The following LOXL2 variants were observed in gnomAD, a reference collection of about 807,000 sequenced individuals.
LOXL2 encodes the protein lysyl oxidase like 2.
LOXL2 carries 70 observed loss-of-function variants against 93.0 expected under a neutral mutation model. That is an observed-to-expected ratio of 0.75 (90% CI 0.62 to 0.92). The LOEUF (loss-of-function observed/expected upper bound fraction) is 0.92. Among genes scored for constraint, LOXL2 ranks in the 40% least tolerant of loss-of-function variants. The pLI, the probability that LOXL2 is intolerant of heterozygous loss-of-function variation, is 0.00. For synonymous variants in LOXL2, 438 were observed against 413.2 expected, an observed-to-expected ratio of 1.06 and a Z score of -0.73; for missense variants, 973 against 1,054.9, an observed-to-expected ratio of 0.92 and a Z score of 1.08.
At chr8:23,384,376 C>G (rs941414266) in intron 1 of LOXL2, among the ~76,000 whole-genome samples, 22 of 152,310 alleles carry the variant, frequency 1.4e-4, no homozygotes, top group African/African-American at 5.3e-4. Flanking sequence ...GAGGGGCTGT[C>G]AAGGCCTGAG....
At chr8:23,375,266 T>A (rs1804569717) in intron 1 of LOXL2, among the ~76,000 whole-genome samples, 1 of 152,148 alleles carries the variant, frequency 6.6e-6, no homozygotes, top group Non-Finnish European at 1.5e-5. Flanking sequence ...AGATGTATGG[T>A]ATTATTTCTG....
Position 23,368,150 on chromosome 8 carries a change from T to G in LOXL2, c.202A>C (p.Ser68Arg), listed in dbSNP as rs760373510. The change falls in exon 2 of 14, where the codon AGC (serine) becomes CGC (arginine). Residue 68 changes from serine (S) to arginine (R), a missense_variant. Coordinates refer to ENST00000389131, the MANE Select transcript of LOXL2 (RefSeq NM_002318.3). ...TAGTACACCTCCACCCGGCCCTCGC[T>G]GTGCTTCCTCTTCTGCCCAGCCAGG... Reference protein sequence around the residue: ...LRLAGQKRKHSEGRVEVYYDG... With the variant: ...LRLAGQKRKHREGRVEVYYDG... The G allele has an allele frequency of 1.9e-6, 3 of 1,614,138 alleles. No homozygotes were observed. The highest frequency in any genetic ancestry group is 1.7e-6 in the Non-Finnish European group (2 of 1,180,022).
Position 23,328,464 on chromosome 8 carries a change from G to C in LOXL2, c.1068C>G (p.Asp356Glu). The change falls in exon 6 of 14, where the codon GAC becomes GAG. Residue 356 changes from aspartate to glutamate, a missense_variant. Asp to Glu is a conservative substitution (Grantham distance 45). Coordinates refer to ENST00000389131, the MANE Select transcript of LOXL2 (RefSeq NM_002318.3). ...EWGTVCDDKW[D>E]LVSASVVCRE... Reference sequence around the variant, plus strand: ...TGCAGACCACACTGGCCGACACCAGGTCCCACTTGTCGTCGCAGACGGTCC... The same window carrying C: ...TGCAGACCACACTGGCCGACACCAGCTCCCACTTGTCGTCGCAGACGGTCC... 1.2e-6 allele frequency: 2 copies of C among 1,614,056 alleles called. No homozygotes were observed. Among genetic ancestry groups the C allele is most frequent in the Non-Finnish European group, 1.7e-6 (2 of 1,180,000 alleles).
At chr8:23,321,713 G>A (rs12386863) in intron 7 of LOXL2, 117,236 of 166,732 alleles carry the variant, frequency 0.7, 41,659 homozygotes, top group Non-Finnish European at 0.76. Context: ...TTTTAAAGAA[G>A]GGAGCGAAGT....
chr8:23,323,461 G>C (rs1244727151), intron 6 of LOXL2, among the ~76,000 whole-genome samples: 1 of 152,202 alleles, frequency 6.6e-6, no homozygotes, highest in African/African-American at 2.4e-5. Context: ...AGCCTGCCTT[G>C]AAGAAAAACC....
At chr8:23,305,027 C>T (rs113149362) in intron 10 of LOXL2, among the ~76,000 whole-genome samples, 30 of 152,270 alleles carry the variant, frequency 2.0e-4, no homozygotes, top group African/African-American at 5.8e-4. Context: ...ACGCTAAGCC[C>T]GGGTTCCACT....
chr8:23,393,772 G>A (rs1336845466), intron 1 of LOXL2, among the ~76,000 whole-genome samples: 1 of 152,196 alleles, frequency 6.6e-6, no homozygotes, highest in African/African-American at 2.4e-5. Flanking sequence ...GGGCAGCAGT[G>A]GTGAGGGTGA....
intron 3 of LOXL2, among the ~76,000 whole-genome samples, chr8:23,351,842 T>A (rs966817428): frequency 6.6e-6 from 1 of 151,762 alleles, no homozygotes; most frequent in Admixed American, 6.6e-5. Flanking sequence ...CTAGACAGGA[T>A]CTTTTTCTCT....
chr8:23,341,353 C>T, intron 3 of LOXL2, 150 bp from the exon 4 acceptor site: 1 of 663,542 alleles, frequency 1.5e-6, no homozygotes, highest in Admixed American at 2.2e-5. Flanking sequence ...CTGGGCAACC[C>T]CGAGGGGCAC....
At position 23,315,862 on chromosome 8, in the gene LOXL2, T is replaced by G. The variant is rs114866976; in HGVS notation, c.1636+1087A>C. ...TGTATTTAGGTTTGTATTATCTTCA[T>G]TTCCTTCTGGAAAAGATGGGATATT... On this transcript the variant is annotated intron_variant, in intron 9 of 13. Transcript: ENST00000389131. 4.1e-3 allele frequency among the ~76,000 whole-genome samples: 618 copies of G among 152,348 alleles called. 6 individuals are homozygous for G. The highest frequency in any genetic ancestry group is 0.014 in the African/African-American group (580 of 41,580).
chr8:23,371,559 C>G (rs372415459), intron 1 of LOXL2, among the ~76,000 whole-genome samples: 2 of 151,310 alleles, frequency 1.3e-5, no homozygotes, highest in Non-Finnish European at 2.9e-5. Flanking sequence ...AAGCCCATCC[C>G]GGCTAACACG....
chr8:23,396,322 AC>A (rs1585385913), intron 1 of LOXL2, among the ~76,000 whole-genome samples: 2 of 78,890 alleles, frequency 2.5e-5, no homozygotes, highest in East Asian at 8.3e-4. Flanking sequence ...AGTCTCAAAA[AC>A]AAACAAACAA....
chr8:23,302,319 C>T (rs1039420503), intron 11 of LOXL2, among the ~76,000 whole-genome samples, 156 bp from the exon 12 acceptor site: 4 of 152,074 alleles, frequency 2.6e-5, no homozygotes, highest in Non-Finnish European at 5.9e-5. Flanking sequence ...CAGTAGAACC[C>T]CCCACTCAAT....
chr8:23,331,943 G>A (rs2117170150), intron 5 of LOXL2: 1 of 150,422 alleles, frequency 6.6e-6, no homozygotes, highest in Admixed American at 6.7e-5. Context: ...GGCCGAGGCA[G>A]GAGAATCGCG....
chr8:23,304,010 C>G (rs573055430), intron 10 of LOXL2, among the ~76,000 whole-genome samples: 11 of 152,314 alleles, frequency 7.2e-5, no homozygotes, highest in Admixed American at 6.5e-4. Context: ...CGCCTCTGGC[C>G]CTGGGAGGTG....
intron 1 of LOXL2, among the ~76,000 whole-genome samples, chr8:23,383,594 G>A (rs1804709058): frequency 6.7e-6 from 1 of 148,698 alleles, no homozygotes; most frequent in Admixed American, 6.7e-5. Context: ...TTCATATTAA[G>A]ACATTTAAGG....
Position 23,368,247 on chromosome 8 carries a change from C to T in LOXL2, c.105G>A (p.Glu35=). ...ACTCAGGAGCCGGTTGCTGGAAGTA[C>T]TCGGGGTAATGGGGCCAGCTGTCAT... is the stretch of plus-strand genomic sequence containing the variant. The part of the protein sequence containing the change: ...AQYDSWPHYP[E]YFQQPAPEYH... The change falls in exon 2 of 14, where the codon GAG becomes GAA. Residue 35 remains glutamate, a synonymous_variant. Transcript: ENST00000389131. 4 of 1,613,922 alleles carry T rather than the reference C, an allele frequency of 2.5e-6. No homozygotes were observed. The highest frequency in any genetic ancestry group is 1.1e-5 in the South Asian group (1 of 91,086).
chr8:23,386,052 A>C (rs895058304), intron 1 of LOXL2: 1 of 765,074 alleles, frequency 1.3e-6, no homozygotes, highest in Non-Finnish European at 2.4e-6. Context: ...TTTCCTAAGG[A>C]AAAACCGAGA....
chr8:23,340,867 T>C, intron 4 of LOXL2, 125 bp downstream of exon 4: 1 of 880,746 alleles, frequency 1.1e-6, no homozygotes, highest in Non-Finnish European at 1.8e-6. Flanking sequence ...GCAGGCTGCC[T>C]GCAGGGACAC....
Sources: gnomAD v4.1 joint callset for allele counts (sites outside exome capture counted in the v4.1 genomes callset) on GRCh38, gnomAD v4.1.1 for gene constraint, MANE v1.5 for transcripts, NCBI Gene and HGNC (gene_info 2026-07-23, HGNC 2026-07-21) for gene names.